LRP1B: variants seen among roughly 807,000 people sequenced by gnomAD.
LRP1B encodes the protein low-density lipoprotein receptor-related protein 1B.
Under a neutral mutation model 556.6 loss-of-function variants are expected in LRP1B, and 217 were observed. That is an observed-to-expected ratio of 0.39 (90% CI 0.35 to 0.44). The LOEUF is 0.44. Among genes scored for constraint, LRP1B ranks in the 20% least tolerant of loss-of-function variants. LRP1B has a pLI of 1.00. For missense variants in LRP1B, 5,053 were observed against 5,620.8 expected, an observed-to-expected ratio of 0.90 and a Z score of 3.23; for synonymous variants, 2,047 against 1,865.8, an observed-to-expected ratio of 1.10 and a Z score of -2.50.
chr2:140,785,259 C>A (rs749148988), intron 32 of LRP1B, among the ~76,000 whole-genome samples: 34 of 152,210 alleles, frequency 2.2e-4, no homozygotes, highest in Non-Finnish European at 4.9e-4. Context: ...TCACAAGCAC[C>A]TTTCTCAGAA....
intron 43 of LRP1B, among the ~76,000 whole-genome samples, chr2:140,547,265 C>T (rs564003031): frequency 6.6e-6 from 1 of 152,158 alleles, no homozygotes; most frequent in South Asian, 2.1e-4. Context: ...TAGACTTTGG[C>T]TGTGAATCAT....
intron 1 of LRP1B, among the ~76,000 whole-genome samples, chr2:142,065,446 T>C (rs778897704): frequency 6.6e-6 from 1 of 151,180 alleles, no homozygotes; most frequent in Non-Finnish European, 1.5e-5. Context: ...ATCTTTTTCA[T>C]AGATTGCCAC....
chr2:140,765,862 C>A (rs1689085200), intron 35 of LRP1B, among the ~76,000 whole-genome samples: 1 of 152,108 alleles, frequency 6.6e-6, no homozygotes, highest in Admixed American at 6.6e-5. Flanking sequence ...TCTTCCACTT[C>A]ATCTCCTTAG....
chr2:142,099,572 T>C (rs1159385925), intron 1 of LRP1B, among the ~76,000 whole-genome samples: 1 of 151,992 alleles, frequency 6.6e-6, no homozygotes, highest in Non-Finnish European at 1.5e-5. Flanking sequence ...AAATCGTTCA[T>C]GCTATTTTAA....
intron 1 of LRP1B, among the ~76,000 whole-genome samples, chr2:141,995,236 G>A (rs978988370): frequency 3.9e-5 from 6 of 152,252 alleles, no homozygotes; most frequent in Non-Finnish European, 8.8e-5. Flanking sequence ...AAATCAAGGT[G>A]TCTGCAGTGC....
Position 142,023,247 on chromosome 2 carries a change from A to G in LRP1B, c.82+107401T>C, listed in dbSNP as rs994010311. Among the ~76,000 whole-genome samples the G allele has an allele frequency of 3.3e-5, 5 of 152,178 alleles. No individual in the cohort carries two copies. The East Asian group carries it at 9.7e-4, about 29-fold the overall frequency. ...TCTAATGAGCTGATGCAATAAATAT[A>G]TTGTTGCCTTCTCTCCAGCCCATTT... On this transcript the variant is annotated intron_variant, in intron 1 of 90. Transcript: ENST00000389484.
At chr2:140,628,268 C>T (rs893942475) in intron 41 of LRP1B, among the ~76,000 whole-genome samples, 2 of 152,084 alleles carry the variant, frequency 1.3e-5, no homozygotes, top group East Asian at 1.9e-4. Flanking sequence ...CAGTGGCTCA[C>T]GACTGTAATC....
chr2:142,052,935 C>T (rs770263036), intron 1 of LRP1B, among the ~76,000 whole-genome samples: 20 of 152,066 alleles, frequency 1.3e-4, no homozygotes, highest in Non-Finnish European at 2.6e-4. Flanking sequence ...TCTGCTTTGT[C>T]GGCATGAAGT....
intron 25 of LRP1B, 47 bp downstream of exon 25, chr2:140,883,770 A>G: frequency 6.5e-7 from 1 of 1,531,124 alleles, no homozygotes; most frequent in Non-Finnish European, 8.9e-7. Context: ...AAATTGAAAG[A>G]CTATTTTTTA....
chr2:141,103,439 AT>A (rs1474869926), intron 7 of LRP1B, among the ~76,000 whole-genome samples: 1 of 151,820 alleles, frequency 6.6e-6, no homozygotes, highest in African/African-American at 2.4e-5. Context: ...CAGCAACAGA[AT>A]TCAATCTTGG....
At chr2:140,308,451 T>C (rs1684157792) in intron 83 of LRP1B, among the ~76,000 whole-genome samples, 1 of 151,828 alleles carries the variant, frequency 6.6e-6, no homozygotes, top group Non-Finnish European at 1.5e-5. Context: ...ATTATTTCTG[T>C]GCCGTAGATA....
chr2:140,372,929 T>C (rs2105170626), intron 69 of LRP1B, 79 bp downstream of exon 69: 1 of 1,479,354 alleles, frequency 6.8e-7, no homozygotes. Context: ...TGCCACTGTT[T>C]TCTGCATATT....
chr2:140,821,994 G>A (rs1209179697), intron 31 of LRP1B, among the ~76,000 whole-genome samples: 5 of 148,416 alleles, frequency 3.4e-5, no homozygotes, highest in African/African-American at 5.0e-5. Flanking sequence ...GTGAGACTCC[G>A]TCTCAAAAAA....
At chr2:142,114,577 A>G (rs1402541258) in intron 1 of LRP1B, among the ~76,000 whole-genome samples, 1 of 152,156 alleles carries the variant, frequency 6.6e-6, no homozygotes, top group Non-Finnish European at 1.5e-5. Flanking sequence ...ATGAAATATT[A>G]TTCGGTCATG....
In LRP1B at chr2:141,197,560, G is replaced by T. The variant is rs182067714; in HGVS notation, c.851-8977C>A. On this transcript the variant is annotated intron_variant, in intron 6 of 90. Transcript: ENST00000389484. ...TATGATATAAATACTTGTTTCATCTGCAGTGTTTCATGGAAGGTCACCAGA... is the reference window on the plus strand; with the variant it reads ...TATGATATAAATACTTGTTTCATCTTCAGTGTTTCATGGAAGGTCACCAGA... Among the ~76,000 whole-genome samples the T allele has an allele frequency of 2.2e-3, 331 of 152,130 alleles. 1 individual carries two copies. Among genetic ancestry groups the T allele is most frequent in the African/African-American group, 7.0e-3 (291 of 41,520 alleles).
At chr2:140,748,784 AAT>A (rs1491516393) in intron 35 of LRP1B, among the ~76,000 whole-genome samples, 913 of 42,668 alleles carry the variant, frequency 0.021, 12 homozygotes, top group East Asian at 0.15. Flanking sequence ...ATATGTATAT[AAT>A]ATATATTATA....
chr2:140,689,430 G>C (rs933697647), intron 41 of LRP1B, among the ~76,000 whole-genome samples: 1 of 152,154 alleles, frequency 6.6e-6, no homozygotes, highest in Non-Finnish European at 1.5e-5. Context: ...CTGCACTGGA[G>C]TCTCTTTGAA....
chr2:141,051,997 C>T (rs940622302), intron 10 of LRP1B, among the ~76,000 whole-genome samples: 1 of 151,794 alleles, frequency 6.6e-6, no homozygotes, highest in African/African-American at 2.4e-5. Flanking sequence ...AGATTATTGT[C>T]TATGTTGAAC....
chr2:140,615,184 T>C (rs1490807851), intron 41 of LRP1B, among the ~76,000 whole-genome samples: 2 of 152,108 alleles, frequency 1.3e-5, no homozygotes, highest in Non-Finnish European at 2.9e-5. Context: ...TGCATTCTGA[T>C]GGACCAGCTG....
Sources: gnomAD v4.1 joint callset for allele counts (sites outside exome capture counted in the v4.1 genomes callset) on GRCh38, gnomAD v4.1.1 for gene constraint, MANE v1.5 for transcripts, NCBI Gene and HGNC (gene_info 2026-07-23, HGNC 2026-07-21) for gene names.